Variants in GPM6A observed in about 807,000 individuals in gnomAD.
GPM6A encodes neuronal membrane glycoprotein M6-a.
A neutral mutation model predicts 32.1 loss-of-function variants in GPM6A; 7 were observed. The ratio of observed to expected loss-of-function variants is 0.22; its 90% confidence interval spans 0.12 to 0.41. The LOEUF is 0.41. Ranked by LOEUF, GPM6A falls within the 10% of genes least tolerant of loss-of-function variation. GPM6A has a pLI of 1.00. For missense variants in GPM6A, 235 were observed against 347.2 expected (o/e 0.68, Z 2.57); for synonymous variants, 130 against 123.4 (o/e 1.05, Z -0.35).
At chr4:175,700,643 C>A (rs1056224939) in intron 2 of GPM6A, among the ~76,000 whole-genome samples, 1 of 151,648 alleles carries the variant, frequency 6.6e-6, no homozygotes, top group Admixed American at 6.6e-5. Context: ...TTTAGAATGA[C>A]AAAATAAAGG....
At chr4:175,832,329 A>AC (rs1311474403) in intron 1 of GPM6A, among the ~76,000 whole-genome samples, 3 of 152,142 alleles carry the variant, frequency 2.0e-5, no homozygotes, top group African/African-American at 7.2e-5. Flanking sequence ...AGAAAGTAGT[A>AC]TTTTTTTCTT....
intron 1 of GPM6A, among the ~76,000 whole-genome samples, chr4:175,985,723 C>G (rs761739560): frequency 3.9e-5 from 6 of 152,068 alleles, no homozygotes; most frequent in Non-Finnish European, 7.4e-5. Context: ...CAGTTTATAA[C>G]CATTCTATTC....
At chr4:175,844,706 C>A (rs1736037872) in intron 1 of GPM6A, among the ~76,000 whole-genome samples, 1 of 152,264 alleles carries the variant, frequency 6.6e-6, no homozygotes, top group African/African-American at 2.4e-5. Flanking sequence ...TTAAAGAAGT[C>A]TTGTAGCTTA....
chr4:175,683,295 G>C (rs1484248390), intron 2 of GPM6A, among the ~76,000 whole-genome samples: 3 of 152,150 alleles, frequency 2.0e-5, no homozygotes, highest in Admixed American at 6.5e-5. Flanking sequence ...TTTACCTACT[G>C]TCTGTGTCTC....
intron 1 of GPM6A, among the ~76,000 whole-genome samples, chr4:175,756,733 C>G (rs889858065): frequency 6.6e-6 from 1 of 151,980 alleles, no homozygotes; most frequent in Non-Finnish European, 1.5e-5. Context: ...AATAAACACA[C>G]TAAATAATAT....
At chr4:175,635,119 T>C in intron 6 of GPM6A, 62 bp from the exon 7 acceptor site, 1 of 1,279,826 alleles carries the variant, frequency 7.8e-7, no homozygotes, top group Non-Finnish European at 1.1e-6. Flanking sequence ...TACACCTTGC[T>C]ATCTCGAAAG....
At chr4:175,941,322 T>A (rs1437145177) in intron 1 of GPM6A, among the ~76,000 whole-genome samples, 1 of 152,216 alleles carries the variant, frequency 6.6e-6, no homozygotes, top group Non-Finnish European at 1.5e-5. Flanking sequence ...TCATTTGTAA[T>A]AAGCCTTCAT....
chr4:175,655,400 A>G (rs956225106), intron 3 of GPM6A, among the ~76,000 whole-genome samples: 16 of 152,086 alleles, frequency 1.1e-4, no homozygotes, highest in African/African-American at 3.1e-4. Flanking sequence ...AATTATTCAA[A>G]TTGATTATGC....
intron 1 of GPM6A, among the ~76,000 whole-genome samples, chr4:176,000,074 C>T (rs1346743248): frequency 1.3e-5 from 2 of 152,108 alleles, no homozygotes; most frequent in East Asian, 1.9e-4. Context: ...TGAGTTCTGG[C>T]TTCATGCTGT....
In GPM6A at chr4:175,981,095, T is replaced by C. The variant is rs79757377; in HGVS notation, c.-23+21214A>G. The stretch of plus-strand genomic sequence containing the variant: ...TGAAGCAGGAATAGGGAAAGTGTTA[T>C]CTAGAGGTAATTATTGTTAATCTTT... On this transcript the variant is annotated intron_variant, in intron 1 of 7. Coordinates refer to the GPM6A transcript ENST00000280187. Among the ~76,000 whole-genome samples, 517 of 152,278 alleles carry C rather than the reference T, an allele frequency of 3.4e-3. 2 individuals carry two copies. The highest frequency in any genetic ancestry group is 0.012 in the African/African-American group (497 of 41,560).
At chr4:175,768,400 A>G (rs907371876) in intron 1 of GPM6A, among the ~76,000 whole-genome samples, 1 of 152,208 alleles carries the variant, frequency 6.6e-6, no homozygotes, top group Non-Finnish European at 1.5e-5. Flanking sequence ...TTCTTTCCAT[A>G]GAAGATGTCT....
At chr4:175,838,972 T>C (rs1044123346) in intron 1 of GPM6A, among the ~76,000 whole-genome samples, 3 of 152,094 alleles carry the variant, frequency 2.0e-5, no homozygotes, top group Admixed American at 1.3e-4. Context: ...CTGAAAATTT[T>C]AATCTATATA....
chr4:175,746,852 G>C (rs1732124157), intron 1 of GPM6A, among the ~76,000 whole-genome samples: 1 of 152,032 alleles, frequency 6.6e-6, no homozygotes, highest in South Asian at 2.1e-4. Flanking sequence ...CTGAAAATCG[G>C]GAAGTGAACC....
intron 1 of GPM6A, among the ~76,000 whole-genome samples, chr4:175,826,704 A>G (rs1232614695): frequency 2.6e-5 from 4 of 152,134 alleles, no homozygotes; most frequent in South Asian, 2.1e-4. Flanking sequence ...CAAGTTTCTC[A>G]TGGCTCAGAA....
intron 1 of GPM6A, among the ~76,000 whole-genome samples, chr4:175,935,125 A>T (rs1413289578): frequency 3.3e-5 from 5 of 152,202 alleles, no homozygotes; most frequent in African/African-American, 1.2e-4. Flanking sequence ...TAGGTATTGC[A>T]CTTTAGAGCA....
chr4:175,702,709 GT>G (rs1744949888), intron 1 of GPM6A, among the ~76,000 whole-genome samples: 1 of 152,078 alleles, frequency 6.6e-6, no homozygotes, highest in African/African-American at 2.4e-5. Flanking sequence ...TAGAGACAGG[GT>G]TTCACCATAT....
intron 3 of GPM6A, among the ~76,000 whole-genome samples, chr4:175,655,107 C>A (rs1200638764): frequency 6.6e-6 from 1 of 152,146 alleles, no homozygotes; most frequent in African/African-American, 2.4e-5. Flanking sequence ...GACTGCCTTA[C>A]ATCTTCTTTC....
intron 1 of GPM6A, among the ~76,000 whole-genome samples, chr4:175,997,477 T>C (rs942181153): frequency 6.6e-6 from 1 of 152,036 alleles, no homozygotes; most frequent in Non-Finnish European, 1.5e-5. Flanking sequence ...TTTTTTTCTC[T>C]AATAGTTACT....
At chr4:175,887,186 C>T (rs979751197) in intron 1 of GPM6A, among the ~76,000 whole-genome samples, 5 of 151,856 alleles carry the variant, frequency 3.3e-5, no homozygotes, top group African/African-American at 1.2e-4. Context: ...AATTATCAAG[C>T]CATAAACTAA....
Sources: gnomAD v4.1 joint callset for allele counts (sites outside exome capture counted in the v4.1 genomes callset) on GRCh38, gnomAD v4.1.1 for gene constraint, MANE v1.5 for transcripts, NCBI Gene and HGNC (gene_info 2026-07-23, HGNC 2026-07-21) for gene names.